The following UBAP2L variants were observed in gnomAD, a reference collection of about 807,000 sequenced individuals.
UBAP2L encodes ubiquitin-associated protein 2-like.
A neutral mutation model predicts 130.6 loss-of-function variants in UBAP2L; 12 were observed. The ratio of observed to expected loss-of-function variants is 0.09; its 90% CI spans 0.06 to 0.15. The LOEUF is 0.15. Among genes scored for constraint, UBAP2L ranks in the 10% least tolerant of loss-of-function variants. The probability of loss-of-function intolerance (pLI) is 1.00; values close to 1 mark genes in which losing one functional copy is unlikely to be tolerated. For missense variants in UBAP2L, 965 were observed against 1,332.5 expected, an observed-to-expected ratio of 0.72 and a Z score of 4.29; for synonymous variants, 503 against 524.7, an observed-to-expected ratio of 0.96 and a Z score of 0.57.
chr1:154,224,572 C>G (rs891393836), intron 1 of UBAP2L, among the ~76,000 whole-genome samples: 4 of 152,148 alleles, frequency 2.6e-5, no homozygotes, highest in African/African-American at 9.7e-5. Context: ...TTGAACTTGT[C>G]CTTTCCCAAG....
intron 8 of UBAP2L, among the ~76,000 whole-genome samples, chr1:154,240,004 C>T (rs1052560068): frequency 1.3e-5 from 2 of 152,098 alleles, no homozygotes; most frequent in African/African-American, 4.8e-5. Flanking sequence ...AAGATTTTTG[C>T]ATTATTAAAT....
intron 11 of UBAP2L, 148 bp from the exon 12 acceptor site, chr1:154,249,091 A>G (rs963655412): frequency 9.8e-6 from 7 of 716,698 alleles, no homozygotes; most frequent in African/African-American, 1.8e-5. Context: ...TAGGTCCTAT[A>G]CTCTAGTGGA....
intron 24 of UBAP2L, among the ~76,000 whole-genome samples, chr1:154,263,871 T>C (rs953907408): frequency 9.2e-5 from 14 of 152,190 alleles, no homozygotes; most frequent in African/African-American, 3.4e-4. Context: ...TAGAGAAGTA[T>C]CTTTCAAGGC....
chr1:154,257,195 C>G lies in UBAP2L; in HGVS notation c.2290C>G (p.Leu764Val). 6.2e-7 allele frequency: 1 copy of G among 1,614,226 alleles called. No individual in the cohort carries two copies. The highest frequency in any genetic ancestry group is 2.2e-5 in the East Asian group (1 of 44,886). The change falls in exon 19 of 27, where the codon CTC becomes GTC. Residue 764 changes from leucine (L) to valine (V), a missense_variant. Around this residue, in one of 9 missense-constraint regions of UBAP2L, gnomAD observed 393 missense variants for 408.1 expected, o/e 0.96. Coordinates refer to ENST00000428931, the MANE Select transcript of UBAP2L (RefSeq NM_014847.4). ...SSLNSGSSLG[L>V]SLGSNSTVTA... ...TCTCAATAGTGGCAGTAGCCTGGGC[C>G]TCAGCCTAGGCAGCAACTCCACTGT...
Position 154,255,175 on chromosome 1 carries a change from T to G in UBAP2L, c.1933T>G (p.Ser645Ala). The change falls in exon 17 of 27, where the codon TCT (serine) becomes GCT (alanine). Residue 645 changes from serine (S) to alanine (A), a missense_variant. Transcript: ENST00000428931. ...VEGATGSAVKSDSPSTSSIPP... is the reference protein window; with the variant it reads ...VEGATGSAVKADSPSTSSIPP... ...AGGTGCTACAGGCTCTGCAGTGAAA[T>G]CTGATTCACCTTCCACTTCTAGCAT... 2 of 1,614,084 alleles carry G rather than the reference T, an allele frequency of 1.2e-6. No individual in the cohort carries two copies. Among genetic ancestry groups the G allele is most frequent in the Non-Finnish European group, 1.7e-6 (2 of 1,179,964 alleles).
At chr1:154,231,906 A>G (rs2148575510) in intron 4 of UBAP2L, among the ~76,000 whole-genome samples, 1 of 152,336 alleles carries the variant, frequency 6.6e-6, no homozygotes, top group African/African-American at 2.4e-5. Flanking sequence ...TTACCATAAT[A>G]CTATTATCAA....
chr1:154,249,186 G>A, intron 11 of UBAP2L, 53 bp from the exon 12 acceptor site: 3 of 1,584,656 alleles, frequency 1.9e-6, no homozygotes, highest in Non-Finnish European at 2.6e-6. Flanking sequence ...TTTATGAGTA[G>A]CTGAACAAGG....
At chr1:154,228,297 TC>T (rs1668645691) in intron 3 of UBAP2L, among the ~76,000 whole-genome samples, 1 of 151,814 alleles carries the variant, frequency 6.6e-6, no homozygotes, top group Non-Finnish European at 1.5e-5. Flanking sequence ...AAGCAATTCT[TC>T]TGCCCCAGCC....
intron 1 of UBAP2L, among the ~76,000 whole-genome samples, chr1:154,224,306 AT>A (rs1305785068): frequency 6.6e-6 from 1 of 152,194 alleles, no homozygotes; most frequent in Non-Finnish European, 1.5e-5. Flanking sequence ...TTCCCTGTAT[AT>A]TAAGGTGAGT....
chr1:154,233,875 CTT>C (rs773762669), intron 4 of UBAP2L, among the ~76,000 whole-genome samples: 14 of 139,230 alleles, frequency 1.0e-4, no homozygotes, highest in Admixed American at 7.0e-5. Flanking sequence ...TTAGTTTTTT[CTT>C]TTTTTTTTTT....
At chr1:154,258,120 T>A (rs1680259372) in intron 20 of UBAP2L, among the ~76,000 whole-genome samples, 2 of 152,090 alleles carry the variant, frequency 1.3e-5, no homozygotes, top group African/African-American at 2.4e-5. Context: ...CAGGTGTGCA[T>A]CCCCATGCCT....
intron 11 of UBAP2L, among the ~76,000 whole-genome samples, chr1:154,248,817 A>G (rs1407886791): frequency 1.3e-5 from 2 of 152,132 alleles, no homozygotes; most frequent in Non-Finnish European, 2.9e-5. Context: ...CTCTGTCTCA[A>G]AAACAAAAAC....
rs1679934512 is a variant in UBAP2L at position 154,257,093 on chromosome 1, C to T, written c.2188C>T (p.His730Tyr). The T allele has an allele frequency of 6.2e-7, 1 of 1,613,894 alleles. No individual in the cohort carries two copies. Among genetic ancestry groups the T allele is most frequent in the Admixed American group, 1.7e-5 (1 of 59,990 alleles). The change falls in exon 19 of 27, where the codon CAT becomes TAT. Residue 730 changes from histidine (H) to tyrosine (Y), a missense_variant. By Grantham distance (83) the His-to-Tyr change is moderately conservative. Coordinates refer to ENST00000428931, the MANE Select transcript of UBAP2L (RefSeq NM_014847.4). The stretch of plus-strand genomic sequence containing the variant: ...AAGTGTGGAGAGTGAGGCGAATCTC[C>T]ATTCTTCCTCCAGCACTTTTTCCAC... ...HTSVESEANL[H>Y]SSSSTFSTTS...
intron 17 of UBAP2L, 23 bp downstream of exon 17, chr1:154,255,349 G>A: frequency 1.2e-6 from 2 of 1,611,232 alleles, no homozygotes; most frequent in Non-Finnish European, 1.7e-6. Flanking sequence ...GAGGATGGAG[G>A]TTGGGGTTGG....
chr1:154,228,618 A>G lies in UBAP2L; in HGVS notation c.172A>G (p.Ile58Val). 1 of 1,612,498 alleles carries G rather than the reference A, an allele frequency of 6.2e-7. No individual in the cohort carries two copies. Among genetic ancestry groups the G allele is most frequent in the Non-Finnish European group, 8.5e-7 (1 of 1,178,916 alleles). The change falls in exon 4 of 27, where the codon ATT becomes GTT. Residue 58 changes from isoleucine to valine, a missense_variant. Ile to Val is a conservative substitution (Grantham distance 29). Around this residue, in one of 9 missense-constraint regions of UBAP2L, gnomAD observed 34 missense variants for 101.4 expected, o/e 0.34. Transcript: ENST00000428931. ...ADFEEKVKQL[I>V]DITGKNQDEC... ...GTTGCTGTTTTTTCTCTTTCAGTTGATTGATATTACAGGCAAGAACCAGGA... is the reference window on the plus strand; with the variant it reads ...GTTGCTGTTTTTTCTCTTTCAGTTGGTTGATATTACAGGCAAGAACCAGGA...
At chr1:154,257,486 C>T in intron 20 of UBAP2L, 52 bp downstream of exon 20, 8 of 1,595,336 alleles carry the variant, frequency 5.0e-6, no homozygotes, top group Non-Finnish European at 6.9e-6. Context: ...TGTGGCTACT[C>T]TTTTTATAGC....
intron 14 of UBAP2L, among the ~76,000 whole-genome samples, chr1:154,253,692 AT>A (rs562890407): frequency 5.5e-4 from 84 of 152,150 alleles, no homozygotes; most frequent in Non-Finnish European, 1.0e-3. Flanking sequence ...TTTAAGATTA[AT>A]TCTTAATTCA....
chr1:154,259,053 T>C (rs1300618216), intron 21 of UBAP2L, 23 bp downstream of exon 21: 5 of 1,608,714 alleles, frequency 3.1e-6, no homozygotes, highest in Non-Finnish European at 4.3e-6. Context: ...GATAGAGCTT[T>C]GGAAAAGAAA....
chr1:154,233,322 T>C (rs956508306), intron 4 of UBAP2L, among the ~76,000 whole-genome samples: 2 of 149,148 alleles, frequency 1.3e-5, no homozygotes, highest in African/African-American at 5.0e-5. Context: ...GCCCTTTTTT[T>C]TCTTTTTTTT....
Sources: gnomAD v4.1 joint callset for allele counts (sites outside exome capture counted in the v4.1 genomes callset) on GRCh38, gnomAD v4.1.1 for gene constraint, gnomAD v4.1.1 regional missense constraint, MANE v1.5 for transcripts, NCBI Gene and HGNC (gene_info 2026-07-23, HGNC 2026-07-21) for gene names.